ARHGAP39: variants seen among roughly 807,000 people sequenced by gnomAD.
ARHGAP39 encodes rho GTPase-activating protein 39.
ARHGAP39 carries 44 observed loss-of-function variants against 106.9 expected under a neutral mutation model. The ratio of observed to expected loss-of-function variants is 0.41; its 90% CI spans 0.32 to 0.53. The LOEUF (loss-of-function observed/expected upper bound fraction) is 0.53, where lower values mean the gene tolerates loss of function less well. Among genes scored for constraint, ARHGAP39 ranks in the 20% least tolerant of loss-of-function variants. The pLI is 0.21. For synonymous variants in ARHGAP39, 768 were observed against 693.2 expected, an observed-to-expected ratio of 1.11 and a Z score of -1.69; for missense variants, 1,496 against 1,577.3, an observed-to-expected ratio of 0.95 and a Z score of 0.87.
At chr8:144,610,723 A>C (rs545093592) in intron 1 of ARHGAP39, among the ~76,000 whole-genome samples, 1 of 151,246 alleles carries the variant, frequency 6.6e-6, no homozygotes, top group Non-Finnish European at 1.5e-5. Context: ...AAAAAAAAAA[A>C]TTTTTTTTTA....
At chr8:144,555,174 C>T (rs925056283) in intron 4 of ARHGAP39, among the ~76,000 whole-genome samples, 1 of 152,262 alleles carries the variant, frequency 6.6e-6, no homozygotes, top group Admixed American at 6.5e-5. Context: ...GAAGCCAAAG[C>T]CCACCCCTCC....
At chr8:144,605,418 G>A in intron 2 of ARHGAP39, 117 bp downstream of exon 2, 1 of 1,115,438 alleles carries the variant, frequency 9.0e-7, no homozygotes, top group Non-Finnish European at 1.3e-6. Flanking sequence ...GGAACAGCCA[G>A]CGACGAATCC....
Position 144,530,350 on chromosome 8 carries a change from C to A in ARHGAP39, c.*72G>T. ...GGGCCGGGCGATTCTGGCCCCTCTG[C>A]CGGGAGAGCGAGTGCGGAGTTCGGC... On this transcript the variant is annotated 3_prime_UTR_variant, in exon 12 of 12. Transcript: ENST00000377307. The A allele has an allele frequency of 6.8e-7, 1 of 1,479,272 alleles. No homozygotes were observed. Among genetic ancestry groups the A allele is most frequent in the South Asian group, 1.3e-5 (1 of 77,114 alleles). 91.6% of individuals were successfully genotyped at this position (1,479,272 alleles called of 1,614,324 possible).
the ARHGAP39 span, among the ~76,000 whole-genome samples, chr8:144,694,656 C>T: frequency 7.9e-5 from 12 of 152,222 alleles, no homozygotes; most frequent in South Asian, 2.1e-4. Flanking sequence ...TGCTCTTTAA[C>T]GATCTTCATG....
chr8:144,597,680 C>A (rs976751884), intron 2 of ARHGAP39, among the ~76,000 whole-genome samples: 1 of 152,146 alleles, frequency 6.6e-6, no homozygotes, highest in Admixed American at 6.5e-5. Context: ...ATGGGAAAGG[C>A]AAAACTTTAA....
chr8:144,678,348 G>C, intron 1 of ARHGAP39, among the ~76,000 whole-genome samples: 1 of 152,156 alleles, frequency 6.6e-6, no homozygotes, highest in East Asian at 1.9e-4. Context: ...AATATTATGT[G>C]ATTGTGCAGT....
intron 6 of ARHGAP39, among the ~76,000 whole-genome samples, chr8:144,539,827 G>A (rs981749343): frequency 1.3e-5 from 2 of 152,188 alleles, no homozygotes; most frequent in Admixed American, 1.3e-4. Context: ...GTCAGGTGGT[G>A]TAAGTCCTCC....
At chr8:144,577,345 C>T (rs773698740) in intron 3 of ARHGAP39, among the ~76,000 whole-genome samples, 8 of 152,152 alleles carry the variant, frequency 5.3e-5, no homozygotes, top group African/African-American at 1.7e-4. Flanking sequence ...AGAGAAACCA[C>T]GTGATCATCT....
intron 1 of ARHGAP39, among the ~76,000 whole-genome samples, chr8:144,682,438 A>C (rs1175803772): frequency 5.8e-5 from 8 of 138,706 alleles, no homozygotes; most frequent in African/African-American, 2.2e-4. Context: ...AGTCCCAGCT[A>C]CTCGGGAGGC....
chr8:144,557,109 G>C (rs1433558649), intron 3 of ARHGAP39, among the ~76,000 whole-genome samples: 1 of 146,788 alleles, frequency 6.8e-6, no homozygotes, highest in East Asian at 1.9e-4. Context: ...AACCTTCATA[G>C]TATTCAGAGG....
chr8:144,593,190 G>A lies in ARHGAP39; in HGVS notation c.81-11913C>T, dbSNP rs548779811. 5.3e-5 allele frequency among the ~76,000 whole-genome samples: 8 copies of A among 152,142 alleles called. No individual in the cohort carries two copies. In the East Asian group the frequency reaches 7.7e-4, roughly 15 times the overall value. On this transcript the variant is annotated intron_variant, in intron 2 of 11. Transcript: ENST00000377307. ...TTGGAGATGTCTGTTTGCACACAGC[G>A]ATCAGCCCACATAAGCCTTTTCTGA... is the stretch of plus-strand genomic sequence containing the variant.
chr8:144,660,566 C>T (rs1234208643), intron 1 of ARHGAP39, among the ~76,000 whole-genome samples: 1 of 152,192 alleles, frequency 6.6e-6, no homozygotes, highest in African/African-American at 2.4e-5. Flanking sequence ...TGATTCCGTG[C>T]TCAGCAGCCA....
At chr8:144,574,172 AGAAGAT>A (rs1453573260) in intron 3 of ARHGAP39, among the ~76,000 whole-genome samples, 2 of 145,148 alleles carry the variant, frequency 1.4e-5, no homozygotes, top group Non-Finnish European at 3.0e-5. Flanking sequence ...AAAAAAGGGA[AGAAGAT>A]GAAGATGAGG....
chr8:144,605,812 C>A, intron 1 of ARHGAP39, 117 bp from the exon 2 acceptor site: 1 of 609,254 alleles, frequency 1.6e-6, no homozygotes, highest in Non-Finnish European at 2.9e-6. Flanking sequence ...TCCACGGCAC[C>A]CGTGAGCCGC....
At position 144,645,176 on chromosome 8, in the gene ARHGAP39, C is replaced by CA. The variant is rs1183436438; in HGVS notation, c.-81-39482dup. ...TCCAAAACCCCATCCCTCTCATACT[C>CA]AGAGCTGCAGATGCCAGTGCAACCA... On this transcript the variant is annotated intron_variant, in intron 1 of 11. Transcript: ENST00000377307. The surrounding 1 kb of genome is among the most constrained non-coding windows in gnomAD (Gnocchi z 4.4). Among the ~76,000 whole-genome samples the CA allele has an allele frequency of 1.3e-5, 2 of 152,258 alleles. No homozygotes were observed. The highest frequency in any genetic ancestry group is 2.9e-5 in the Non-Finnish European group (2 of 68,048).
chr8:144,668,120 T>C (rs540705919), intron 1 of ARHGAP39, among the ~76,000 whole-genome samples: 4 of 152,152 alleles, frequency 2.6e-5, no homozygotes, highest in African/African-American at 9.6e-5. Context: ...GTTATATATA[T>C]ATTTGTTTCC....
chr8:144,668,545 AAAC>A (rs1199489931), intron 1 of ARHGAP39, among the ~76,000 whole-genome samples: 4 of 152,252 alleles, frequency 2.6e-5, no homozygotes, highest in African/African-American at 4.8e-5. Context: ...AAGGTTAAGA[AAAC>A]AATTCCATTT....
At position 144,684,241 on chromosome 8, in the gene ARHGAP39, G is replaced by A. The variant is rs545585335; in HGVS notation, c.-82+1445C>T. On this transcript the variant is annotated intron_variant, in intron 1 of 11. Coordinates refer to ENST00000377307, the MANE Select transcript of ARHGAP39 (RefSeq NM_025251.3). This position sits in a 1 kb window ranked among gnomAD's most constrained non-coding sequence, Gnocchi z 4.4. ...TATGGCTACAGAGCCTGCGCCCAGG[G>A]CGGTTTATGGAATGAGTCTCCTCGA... Among the ~76,000 whole-genome samples, 11 of 152,312 alleles carry A rather than the reference G, an allele frequency of 7.2e-5. No individual in the cohort carries two copies. Among genetic ancestry groups the A allele is most frequent in the Non-Finnish European group, 1.3e-4 (9 of 68,024 alleles).
At position 144,624,474 on chromosome 8, in the gene ARHGAP39, G is replaced by C. The variant is rs533892977; in HGVS notation, c.-81-18779C>G. Reference sequence around the variant, plus strand: ...TCCTTCTGAAGACCAGTGAAGACTCGCCTGTGTGGCAAGGCTGCCTCTAAC... The same window carrying C: ...TCCTTCTGAAGACCAGTGAAGACTCCCCTGTGTGGCAAGGCTGCCTCTAAC... On this transcript the variant is annotated intron_variant, in intron 1 of 11. Coordinates refer to ENST00000377307, the MANE Select transcript of ARHGAP39 (RefSeq NM_025251.3). Among the ~76,000 whole-genome samples, 30 of 152,346 alleles carry C rather than the reference G, an allele frequency of 2.0e-4. 1 individual carries two copies. The South Asian group carries it at 6.2e-3, about 32-fold the overall frequency.
Sources: gnomAD v4.1 joint callset for allele counts (sites outside exome capture counted in the v4.1 genomes callset) on GRCh38, gnomAD v4.1.1 for gene constraint, Gnocchi (gnomAD v3.1) non-coding constraint, MANE v1.5 for transcripts, NCBI Gene and HGNC (gene_info 2026-07-23, HGNC 2026-07-21) for gene names.